DUXA: variants seen among roughly 807,000 people sequenced by gnomAD.
DUXA encodes the protein double homeobox protein A.
Under a neutral mutation model 27.5 loss-of-function variants are expected in DUXA, and 25 were observed. That is an observed-to-expected ratio of 0.91 (90% CI 0.66 to 1.27). The LOEUF (loss-of-function observed/expected upper bound fraction) is 1.27, where lower values mean the gene tolerates loss of function less well. DUXA is among the 50% of genes most tolerant of loss of function. The pLI, the probability that DUXA is intolerant of heterozygous loss-of-function variation, is 0.00. For missense variants in DUXA, 247 were observed against 242.9 expected (o/e 1.02, Z -0.11); for synonymous variants, 90 against 80.5 (o/e 1.12, Z -0.63).
chr19:57,161,169 C>CA (rs928958672), intron 1 of DUXA, among the ~76,000 whole-genome samples: 5 of 151,272 alleles, frequency 3.3e-5, no homozygotes, highest in African/African-American at 1.2e-4. Flanking sequence ...ACTAAAAATA[C>CA]AAAAAATTAG....
At chr19:57,155,646 A>AAGATAGATAGATAGATGATAGAT (rs1555757948) in intron 4 of DUXA, among the ~76,000 whole-genome samples, 2 of 144,012 alleles carry the variant, frequency 1.4e-5, no homozygotes, top group Admixed American at 7.1e-5. Context: ...TGCCCAACCC[A>AAGATAGATAGATAGATGATAGAT]AGATAGATAG....
At chr19:57,163,230 C>T (rs1387229564) in intron 1 of DUXA, among the ~76,000 whole-genome samples, 3 of 152,146 alleles carry the variant, frequency 2.0e-5, no homozygotes, top group African/African-American at 7.2e-5. Context: ...ACACCATCTT[C>T]TCAGAGTCCC....
intron 1 of DUXA, among the ~76,000 whole-genome samples, chr19:57,161,020 GAAAAACCATT>G (rs913383917): frequency 1.3e-5 from 2 of 151,692 alleles, no homozygotes; most frequent in African/African-American, 4.8e-5. Flanking sequence ...CCTCTGTTTT[GAAAAACCATT>G]AAAAACCATT....
rs1261979854 is a variant in DUXA, at chr19:57,159,184, G to A, written c.275C>T (p.Pro92Leu). ...ESSQSQGQDQ[P>L]GVEFQSREAR... is the part of the protein sequence containing the mutation. ...TTATTTACTTTGAAACTCCACACCA[G>A]GTTGATCTTGCCCCTGGCTCTGGCT... is the stretch of plus-strand genomic sequence containing the variant. Residue 92 changes from proline (P) to leucine (L), a missense_variant, in exon 3 of 6, where the codon CCT becomes CTT. Transcript: ENST00000554048. 5 of 1,613,990 alleles carry A rather than the reference G, an allele frequency of 3.1e-6. No individual in the cohort carries two copies. In the Admixed American group the frequency reaches 5.0e-5, roughly 16 times the overall value.
At chr19:57,158,092 G>T (rs1051736700) in intron 4 of DUXA, among the ~76,000 whole-genome samples, 5 of 152,094 alleles carry the variant, frequency 3.3e-5, no homozygotes, top group Admixed American at 6.5e-5. Flanking sequence ...CACGTGCCAC[G>T]CACTGTTCAG....
chr19:57,155,703 C>T (rs1055225667), intron 4 of DUXA, among the ~76,000 whole-genome samples: 1 of 68,658 alleles, frequency 1.5e-5, no homozygotes, highest in Non-Finnish European at 3.1e-5. Flanking sequence ...GAGTCTCACT[C>T]GGTCACCCAG....
In DUXA at chr19:57,158,369, C is replaced by A. The variant is rs762740549; in HGVS notation, c.397G>T (p.Glu133Ter). The A allele has an allele frequency of 1.2e-6, 2 of 1,612,520 alleles. No individual in the cohort carries two copies. The highest frequency in any genetic ancestry group is 1.7e-6 in the Non-Finnish European group (2 of 1,179,974). The change falls in exon 4 of 6, where the codon GAA (glutamate) becomes TAA (stop). Residue 133 changes from glutamate (E) to a stop codon, truncating the protein, a stop_gained. Transcript: ENST00000554048. LOFTEE classifies it high-confidence loss of function. The part of the protein sequence containing the change: ...NPYPGIDSRE[E>*]LAKEIGVPES... ...GGAACACCGATTTCTTTAGCAAGTT[C>A]TTCTCTGGAATCAATCCCAGGATAT...
At chr19:57,164,626 G>C (rs2087042272) in intron 1 of DUXA, among the ~76,000 whole-genome samples, 1 of 147,958 alleles carries the variant, frequency 6.8e-6, no homozygotes, top group Non-Finnish European at 1.5e-5. Context: ...GATGACTGTA[G>C]GATTTTGGTG....
chr19:57,154,623 G>C, intron 5 of DUXA, 141 bp from the exon 6 acceptor site: 1 of 592,822 alleles, frequency 1.7e-6, no homozygotes, highest in Non-Finnish European at 2.8e-6. Flanking sequence ...GAGTGCGGTG[G>C]CGCGATCTCG....
rs143443432 is a variant in DUXA at position 57,159,241 on chromosome 19, T to C, written c.218A>G (p.Gln73Arg). The stretch of plus-strand genomic sequence containing the variant: ...TAAAGTCTCAGCTTCTGGTCTTTTC[T>C]GGAATCCGTGCCTAGCTCTTCGATT... ...FQNRRARHGF[Q>R]KRPEAETLES... Residue 73 changes from glutamine to arginine, a missense_variant, in exon 3 of 6, where the codon CAG becomes CGG. Coordinates refer to ENST00000554048, the MANE Select transcript of DUXA (RefSeq NM_001012729.2). 9.2e-4 allele frequency: 1,477 copies of C among 1,614,184 alleles called. 7 individuals are homozygous for C. In the African/African-American group the frequency reaches 0.015, roughly 17 times the overall value.
intron 4 of DUXA, among the ~76,000 whole-genome samples, 187 bp from the exon 5 acceptor site, chr19:57,155,559 C>T (rs989623994): frequency 2.6e-5 from 4 of 151,846 alleles, no homozygotes; most frequent in Admixed American, 1.3e-4. Flanking sequence ...GGTTTCACCA[C>T]GTGGCCCAGG....
intron 4 of DUXA, 104 bp downstream of exon 4, chr19:57,158,224 G>A (rs1423555086): frequency 1.3e-5 from 18 of 1,376,504 alleles, no homozygotes; most frequent in Non-Finnish European, 8.1e-6. Flanking sequence ...GAAAGACCCT[G>A]AAATGTGCCC....
At chr19:57,164,919 G>T (rs1346976030) in intron 1 of DUXA, among the ~76,000 whole-genome samples, 1 of 152,116 alleles carries the variant, frequency 6.6e-6, no homozygotes, top group East Asian at 1.9e-4. Context: ...AAGTATGAGG[G>T]TAACCACAGT....
intron 5 of DUXA, among the ~76,000 whole-genome samples, chr19:57,155,011 G>T (rs2086985313): frequency 6.6e-6 from 1 of 152,314 alleles, no homozygotes; most frequent in East Asian, 1.9e-4. Flanking sequence ...TTTGTACCAG[G>T]CACTGGGGAT....
Position 57,154,331 on chromosome 19 carries a change from A to C in DUXA, c.*81T>G. ...AGAAGGCTTAGCTTGCAGTTTCAGC[A>C]GAAGGATAGACTCCCAGGAAGACCG... On this transcript the variant is annotated 3_prime_UTR_variant, in exon 6 of 6. Coordinates refer to ENST00000554048, the MANE Select transcript of DUXA (RefSeq NM_001012729.2). 7.4e-7 allele frequency: 1 copy of C among 1,343,272 alleles called. No individual in the cohort carries two copies. Among genetic ancestry groups the C allele is most frequent in the East Asian group, 2.4e-5 (1 of 42,356 alleles). The allele number at this position is 1,343,272 out of a possible 1,614,324, so 83.2% of individuals were successfully genotyped here. A position where few individuals can be genotyped will look rare whatever the true frequency, so the allele number is the denominator to read the frequency against.
chr19:57,165,322 A>ATATATATATATATATATATATAT (rs1484903570), intron 1 of DUXA, among the ~76,000 whole-genome samples: 40 of 89,046 alleles, frequency 4.5e-4, no homozygotes, highest in Non-Finnish European at 6.7e-4. Context: ...AAAAAAAAAA[A>ATATATATATATATATATATATAT]AAATATATAT....
chr19:57,158,732 C>T (rs987354512), intron 3 of DUXA, among the ~76,000 whole-genome samples: 1 of 152,114 alleles, frequency 6.6e-6, no homozygotes, highest in Non-Finnish European at 1.5e-5. Flanking sequence ...GCCTGTAATG[C>T]CGGCACTTTA....
intron 1 of DUXA, among the ~76,000 whole-genome samples, chr19:57,162,293 A>G (rs968052553): frequency 6.6e-5 from 10 of 152,216 alleles, no homozygotes; most frequent in African/African-American, 2.2e-4. Context: ...GGACAAAATT[A>G]GCTGGAAAAA....
At chr19:57,159,413 G>A in intron 2 of DUXA, 135 bp from the exon 3 acceptor site, 1 of 818,492 alleles carries the variant, frequency 1.2e-6, no homozygotes, top group Non-Finnish European at 1.9e-6. Flanking sequence ...ATTCTACCAA[G>A]TCCTTTTTTT....
Sources: allele counts gnomAD v4.1 joint callset (sites outside exome capture counted in the v4.1 genomes callset), GRCh38; gene constraint gnomAD v4.1.1; transcripts MANE v1.5; gene names NCBI Gene and HGNC (gene_info 2026-07-23, HGNC 2026-07-21).